TENM2: variants seen among roughly 807,000 people sequenced by gnomAD.
TENM2 encodes the protein teneurin-2.
TENM2 carries 52 observed loss-of-function variants against 245.2 expected under a neutral mutation model. The observed-to-expected ratio is 0.21, with a 90% CI of 0.17 to 0.27. The LOEUF is 0.27. Ranked by LOEUF, TENM2 falls within the 10% of genes least tolerant of loss-of-function variation. The probability of loss-of-function intolerance (pLI) is 1.00; values close to 1 mark genes in which losing one functional copy is unlikely to be tolerated. For synonymous variants in TENM2, 1,363 were observed against 1,438.9 expected (o/e 0.95, Z 1.19); for missense variants, 3,046 against 3,666.8 (o/e 0.83, Z 4.37).
intron 2 of TENM2, 103 bp downstream of exon 4, chr5:167,375,576 T>C (rs928546850): frequency 2.1e-5 from 27 of 1,278,886 alleles, no homozygotes; most frequent in African/African-American, 1.4e-4. Context: ...AAACCATTCA[T>C]TTTCTTTGAA....
At chr5:167,351,567 G>C (rs887120297) in intron 1 of TENM2, among the ~76,000 whole-genome samples, 1 of 152,238 alleles carries the variant, frequency 6.6e-6, no homozygotes, top group Non-Finnish European at 1.5e-5. Context: ...CCGGTGGACA[G>C]TTAGTTCTCT....
chr5:167,677,110 T>G (rs1756383160), intron 2 of TENM2, among the ~76,000 whole-genome samples: 1 of 152,140 alleles, frequency 6.6e-6, no homozygotes, highest in East Asian at 1.9e-4. Flanking sequence ...AGTCTCTTTC[T>G]CAGTTCCTAG....
intron 3 of TENM2, among the ~76,000 whole-genome samples, chr5:167,889,610 C>G (rs1774581728): frequency 6.6e-6 from 1 of 152,084 alleles, no homozygotes; most frequent in Non-Finnish European, 1.5e-5. Context: ...TAACCACTGT[C>G]TTTGATACAT....
At chr5:168,152,177 TA>T (rs1756711292) in intron 12 of TENM2, among the ~76,000 whole-genome samples, 1 of 152,188 alleles carries the variant, frequency 6.6e-6, no homozygotes, top group Non-Finnish European at 1.5e-5. Flanking sequence ...CTAATGCATG[TA>T]GGGGATCTAA....
intron 2 of TENM2, among the ~76,000 whole-genome samples, chr5:167,855,783 GAGGA>G (rs1771020118): frequency 7.8e-6 from 1 of 128,422 alleles, no homozygotes; most frequent in African/African-American, 2.9e-5. Context: ...ATGAGGGAAG[GAGGA>G]AGGAAGGGAG....
intron 6 of TENM2, among the ~76,000 whole-genome samples, chr5:168,047,884 G>GGCAGCAGCAGCAGCA (rs370697921): frequency 1.6e-4 from 24 of 151,698 alleles, no homozygotes; most frequent in Non-Finnish European, 2.9e-4. Flanking sequence ...CAGCTGGAGT[G>GGCAGCAGCAGCAGCA]GCAGCAGCAG....
chr5:167,654,644 G>A (rs1393472546), intron 2 of TENM2, among the ~76,000 whole-genome samples: 2 of 150,740 alleles, frequency 1.3e-5, no homozygotes, highest in African/African-American at 2.4e-5. Flanking sequence ...ATTATGCAGT[G>A]ATTGCAGGGA....
intron 1 of TENM2, chr5:167,287,909 C>T (rs1754387547): frequency 1.3e-5 from 2 of 152,170 alleles, no homozygotes; most frequent in African/African-American, 4.8e-5. Flanking sequence ...CACTAAATAG[C>T]ATCCTAGTGG....
intron 1 of TENM2, among the ~76,000 whole-genome samples, chr5:167,301,839 G>A (rs988516684): frequency 6.6e-6 from 1 of 152,124 alleles, no homozygotes. Flanking sequence ...CTGGGCAGGT[G>A]GGGGAGGGCT....
chr5:167,720,384 G>C (rs1759547764), intron 2 of TENM2, among the ~76,000 whole-genome samples: 3 of 152,206 alleles, frequency 2.0e-5, no homozygotes. Context: ...AGTCCAGGCA[G>C]TGATGAAACC....
At chr5:167,271,275 C>T in the TENM2 span, among the ~76,000 whole-genome samples, 1 of 152,056 alleles carries the variant, frequency 6.6e-6, no homozygotes, top group African/African-American at 2.4e-5. Flanking sequence ...ATCTGTTCAG[C>T]TTCTGATCTC....
At chr5:167,475,523 A>G (rs1767313829) in intron 2 of TENM2, among the ~76,000 whole-genome samples, 1 of 152,072 alleles carries the variant, frequency 6.6e-6, no homozygotes. Context: ...ACATGTGCTG[A>G]ACGTGCGGGT....
chr5:167,695,587 A>G (rs1757704929), intron 2 of TENM2, among the ~76,000 whole-genome samples: 2 of 152,192 alleles, frequency 1.3e-5, no homozygotes, highest in African/African-American at 4.8e-5. Context: ...GAAAGGGTTC[A>G]GGTTTGTCTC....
rs904281185 is a variant in TENM2 at position 167,987,573 on chromosome 5, G to A, written c.948-5371G>A. Among the ~76,000 whole-genome samples, 2 of 151,746 alleles carry A rather than the reference G, an allele frequency of 1.3e-5. 1 individual carries two copies. Among genetic ancestry groups the A allele is most frequent in the Non-Finnish European group, 2.9e-5 (2 of 67,918 alleles). On this transcript the variant is annotated intron_variant, in intron 4 of 28. Coordinates refer to ENST00000518659, the Ensembl canonical transcript of TENM2. ...TGACCTCAAATGATTCGCCTGCCTC[G>A]GCCTCCCAAAGTCCTGGGATTACAG...
At chr5:167,095,581 T>A in the TENM2 span, among the ~76,000 whole-genome samples, 1 of 152,188 alleles carries the variant, frequency 6.6e-6, no homozygotes, top group Non-Finnish European at 1.5e-5. Context: ...TATCTGAGTT[T>A]TTATTTTCTA....
At chr5:168,226,374 T>A in intron 24 of TENM2, 111 bp downstream of exon 26, 1 of 893,270 alleles carries the variant, frequency 1.1e-6, no homozygotes, top group Non-Finnish European at 1.7e-6. Flanking sequence ...AGACCCAGCG[T>A]ACCCCTAGCT....
At chr5:167,929,118 AAAG>A (rs1345402669) in intron 3 of TENM2, among the ~76,000 whole-genome samples, 28 of 113,876 alleles carry the variant, frequency 2.5e-4, no homozygotes, top group South Asian at 6.0e-4. Context: ...AGAAAGAAAG[AAAG>A]AAAGAAAGAA....
intron 3 of TENM2, among the ~76,000 whole-genome samples, chr5:167,918,411 C>T (rs73372727): frequency 0.014 from 2,073 of 152,224 alleles, 42 homozygotes; most frequent in African/African-American, 0.046. Flanking sequence ...TCTGGGAGGA[C>T]GGTGGGACAC....
chr5:167,559,358 C>A (rs1773449973), intron 2 of TENM2, among the ~76,000 whole-genome samples: 1 of 152,186 alleles, frequency 6.6e-6, no homozygotes, highest in Non-Finnish European at 1.5e-5. Context: ...GACCCCCAGT[C>A]AAATCCAGAT....
Sources: gnomAD v4.1 joint callset for allele counts (sites outside exome capture counted in the v4.1 genomes callset) on GRCh38, gnomAD v4.1.1 for gene constraint, MANE v1.5 for transcripts, NCBI Gene and HGNC (gene_info 2026-07-23, HGNC 2026-07-21) for gene names.